Variants in ZSWIM5 observed in about 807,000 individuals in gnomAD.
ZSWIM5 encodes the protein zinc finger SWIM domain-containing protein 5.
ZSWIM5 carries 55 observed loss-of-function variants against 119.6 expected under a neutral mutation model. The observed-to-expected ratio is 0.46, with a 90% CI of 0.37 to 0.58. The LOEUF (loss-of-function observed/expected upper bound fraction) is 0.58, where lower values mean the gene tolerates loss of function less well. Ranked by LOEUF, ZSWIM5 falls within the 20% of genes least tolerant of loss-of-function variation. The pLI, the probability that ZSWIM5 is intolerant of heterozygous loss-of-function variation, is 0.00. For missense variants in ZSWIM5, 1,193 were observed against 1,512.8 expected, an observed-to-expected ratio of 0.79 and a Z score of 3.51; for synonymous variants, 537 against 606.9, an observed-to-expected ratio of 0.88 and a Z score of 1.69.
At chr1:45,061,302 T>A (rs892304276) in intron 2 of ZSWIM5, among the ~76,000 whole-genome samples, 1 of 152,222 alleles carries the variant, frequency 6.6e-6, no homozygotes, top group Admixed American at 6.5e-5. Flanking sequence ...ATTTGTTTTT[T>A]AAAAAATTTT....
intron 1 of ZSWIM5, among the ~76,000 whole-genome samples, chr1:45,161,788 T>C (rs574262290): frequency 1.3e-5 from 2 of 152,374 alleles, no homozygotes; most frequent in East Asian, 3.8e-4. Context: ...CTTATGCCTA[T>C]AGGAACTTAT....
At position 45,036,209 on chromosome 1, in the gene ZSWIM5, A is replaced by G. The variant is rs1175387671; in HGVS notation, c.1985T>C (p.Leu662Pro). 1 of 1,614,118 alleles carries G rather than the reference A, an allele frequency of 6.2e-7. No homozygotes were observed. Among genetic ancestry groups the G allele is most frequent in the Non-Finnish European group, 8.5e-7 (1 of 1,180,034 alleles). Residue 662 changes from leucine to proline, a missense_variant, in exon 9 of 14, where the codon CTG (leucine) becomes CCG (proline). Coordinates refer to ENST00000359600, the MANE Select transcript of ZSWIM5 (RefSeq NM_020883.2). ...ACCCAGGCCCATCAGTGCAACTTCC[A>G]GGGCCAATGACAGGTAGGACTCACT... ...NSSESYLSLA[L>P]EVALMGLGQQ...
chr1:45,166,473 A>T (rs1557786045), intron 1 of ZSWIM5, among the ~76,000 whole-genome samples: 2 of 152,140 alleles, frequency 1.3e-5, no homozygotes, highest in Admixed American at 6.6e-5. Context: ...GGCCAGGGCA[A>T]TCAGGCAGGA....
chr1:45,194,678 C>A (rs1263169128), intron 1 of ZSWIM5, among the ~76,000 whole-genome samples: 2 of 152,060 alleles, frequency 1.3e-5, no homozygotes, highest in Non-Finnish European at 2.9e-5. Flanking sequence ...GAGATCGAGA[C>A]CATCCTGGCT....
chr1:45,065,467 G>C (rs1301822037), intron 2 of ZSWIM5, among the ~76,000 whole-genome samples: 1 of 152,178 alleles, frequency 6.6e-6, no homozygotes, highest in Non-Finnish European at 1.5e-5. Flanking sequence ...TGGCACCCAG[G>C]TGATGATAAC....
At chr1:45,048,078 T>TA (rs1645067149) in intron 5 of ZSWIM5, among the ~76,000 whole-genome samples, 1 of 23,522 alleles carries the variant, frequency 4.3e-5, no homozygotes, top group South Asian at 4.3e-3. Flanking sequence ...TCCTTTTCTT[T>TA]TCTCTTTTTT....
intron 2 of ZSWIM5, among the ~76,000 whole-genome samples, chr1:45,085,313 G>C (rs1004418658): frequency 1.3e-5 from 2 of 152,208 alleles, no homozygotes; most frequent in African/African-American, 4.8e-5. Flanking sequence ...CTCTGGGCCT[G>C]TGATGGGAGG....
At chr1:45,112,538 A>G (rs1361926822) in intron 1 of ZSWIM5, among the ~76,000 whole-genome samples, 1 of 152,246 alleles carries the variant, frequency 6.6e-6, no homozygotes, top group African/African-American at 2.4e-5. Flanking sequence ...AAAATCTGAT[A>G]AAGGTAAAAT....
At chr1:45,132,796 T>C (rs960758316) in intron 1 of ZSWIM5, among the ~76,000 whole-genome samples, 1 of 152,132 alleles carries the variant, frequency 6.6e-6, no homozygotes, top group East Asian at 1.9e-4. Flanking sequence ...CAGTGTGTGA[T>C]GTTCCCCTTC....
chr1:45,107,566 C>T (rs926346007), intron 1 of ZSWIM5, among the ~76,000 whole-genome samples: 2 of 144,878 alleles, frequency 1.4e-5, no homozygotes, highest in African/African-American at 5.3e-5. Flanking sequence ...GGCGTGAACC[C>T]GGGAGGCGGA....
intron 11 of ZSWIM5, among the ~76,000 whole-genome samples, chr1:45,033,403 AT>A (rs1227697883): frequency 6.6e-6 from 1 of 152,208 alleles, no homozygotes; most frequent in Non-Finnish European, 1.5e-5. Flanking sequence ...TAATTAAAAA[AT>A]AACTTCAAAA....
intron 5 of ZSWIM5, among the ~76,000 whole-genome samples, chr1:45,048,848 T>C (rs1645072317): frequency 1.3e-5 from 2 of 152,246 alleles, no homozygotes; most frequent in South Asian, 4.2e-4. Context: ...GGAATCAGCA[T>C]GGTGGCTCAT....
intron 11 of ZSWIM5, among the ~76,000 whole-genome samples, chr1:45,026,394 C>T (rs1459959561): frequency 1.3e-5 from 2 of 151,406 alleles, no homozygotes; most frequent in African/African-American, 2.4e-5. Context: ...CTCCTCTATT[C>T]CTAGTTTGCT....
chr1:45,034,398 G>A lies in ZSWIM5; in HGVS notation c.2363C>T (p.Pro788Leu), dbSNP rs1217597061. 5 of 1,614,008 alleles carry A rather than the reference G, an allele frequency of 3.1e-6. No individual in the cohort carries two copies. Among genetic ancestry groups the A allele is most frequent in the Non-Finnish European group, 4.2e-6 (5 of 1,179,952 alleles). ...SHPHHMVSVV[P>L]SRYPRWFTLG... ...CGTGAACCAGCGAGGATAACGGCTG[G>A]GCACCACAGACACCATATGGTGAGG... Residue 788 changes from proline to leucine, a missense_variant, in exon 11 of 14, where the codon CCC (proline) becomes CTC (leucine). By Grantham distance (98) the Pro-to-Leu change is moderately conservative (BLOSUM62 -3). Coordinates refer to ENST00000359600, the MANE Select transcript of ZSWIM5 (RefSeq NM_020883.2).
chr1:45,043,989 G>C (rs1645032022), intron 5 of ZSWIM5, among the ~76,000 whole-genome samples: 1 of 152,018 alleles, frequency 6.6e-6, no homozygotes, highest in South Asian at 2.1e-4. Context: ...TTCAAGACCA[G>C]CCTGGGCAAC....
intron 1 of ZSWIM5, among the ~76,000 whole-genome samples, chr1:45,139,363 T>C (rs1645711813): frequency 6.6e-6 from 1 of 151,426 alleles, no homozygotes; most frequent in Non-Finnish European, 1.5e-5. Flanking sequence ...TTTCTTTTCT[T>C]TTCTTTTTTT....
chr1:45,029,575 G>C (rs543464665), intron 11 of ZSWIM5, among the ~76,000 whole-genome samples: 137 of 152,324 alleles, frequency 9.0e-4, no homozygotes, highest in African/African-American at 3.3e-3. Context: ...TTTGCGAAGA[G>C]ATACCTTGAG....
At position 45,182,403 on chromosome 1, in the gene ZSWIM5, CA is replaced by C. The variant is rs1164921724; in HGVS notation, c.595+23352del. Among the ~76,000 whole-genome samples the C allele has an allele frequency of 1.7e-5, 2 of 116,852 alleles. 1 individual carries two copies. The allele number at this position is 116,852 out of a possible 152,430, so 76.7% of individuals were successfully genotyped here. On this transcript the variant is annotated intron_variant, in intron 1 of 13. Coordinates refer to ENST00000359600, the MANE Select transcript of ZSWIM5 (RefSeq NM_020883.2). ...TGGGCGACAGAACGAGACTCCGTCT[CA>C]AAAAAACAAACAAACAAACAAACAA...
intron 8 of ZSWIM5, among the ~76,000 whole-genome samples, chr1:45,038,604 CTTTT>C (rs55717021): frequency 2.1e-5 from 1 of 48,502 alleles, no homozygotes; most frequent in Non-Finnish European, 3.5e-5. Flanking sequence ...CGAGGGCAGT[CTTTT>C]TTTTTTTTTT....
Sources: allele counts gnomAD v4.1 joint callset (sites outside exome capture counted in the v4.1 genomes callset), GRCh38; gene constraint gnomAD v4.1.1; transcripts MANE v1.5; gene names NCBI Gene and HGNC (gene_info 2026-07-23, HGNC 2026-07-21).